Variants in NDRG3 observed in about 807,000 individuals in gnomAD.
NDRG3 encodes the protein NDRG family member 3.
In NDRG3, 23 loss-of-function variants were observed where a neutral mutation model predicts 57.2. That is an observed-to-expected ratio of 0.40 (90% confidence interval 0.29 to 0.57). NDRG3 has a LOEUF of 0.57. Among genes scored for constraint, NDRG3 ranks in the 20% least tolerant of loss-of-function variants. The pLI, the probability that NDRG3 is intolerant of heterozygous loss-of-function variation, is 0.42. For missense variants in NDRG3, 384 were observed against 457.3 expected, an observed-to-expected ratio of 0.84 and a Z score of 1.46; for synonymous variants, 132 against 162.6, an observed-to-expected ratio of 0.81 and a Z score of 1.43.
chr20:36,692,703 T>G (rs1408112635), intron 3 of NDRG3, among the ~76,000 whole-genome samples: 1 of 152,030 alleles, frequency 6.6e-6, no homozygotes, highest in East Asian at 1.9e-4. Context: ...GCTGTATGTA[T>G]TTGTAAATTC....
At chr20:36,677,345 C>T (rs1980838135) in intron 8 of NDRG3, among the ~76,000 whole-genome samples, 1 of 152,226 alleles carries the variant, frequency 6.6e-6, no homozygotes. Flanking sequence ...CCAGGGAGGC[C>T]CTGAAGGCTA....
intron 2 of NDRG3, among the ~76,000 whole-genome samples, chr20:36,717,082 T>C (rs1179092987): frequency 6.6e-6 from 1 of 152,252 alleles, no homozygotes; most frequent in Admixed American, 6.5e-5. Context: ...TCATTTCATA[T>C]GCCCATGCAA....
chr20:36,665,087 A>G lies in NDRG3; in HGVS notation c.769T>C (p.Leu257=), dbSNP rs376469376. The change falls in exon 12 of 16, where the codon TTA becomes CTA. Residue 257 remains leucine, a synonymous_variant. Transcript: ENST00000349004. ...GGCGAATTGTCCCCTACCACCAGTAAAGTAGAACACCTAGGTAGGCAAAGT... is the reference window on the plus strand; with the variant it reads ...GGCGAATTGTCCCCTACCACCAGTAGAGTAGAACACCTAGGTAGGCAAAGT... ...NKSKTLKCST[L]LVVGDNSPAV... is the part of the protein sequence containing the mutation. 5.0e-6 allele frequency: 8 copies of G among 1,614,158 alleles called. No individual in the cohort carries two copies. The highest frequency in any genetic ancestry group is 2.2e-5 in the East Asian group (1 of 44,884).
At chr20:36,727,308 C>T (rs983841205) in intron 1 of NDRG3, among the ~76,000 whole-genome samples, 8 of 152,208 alleles carry the variant, frequency 5.3e-5, no homozygotes, top group Non-Finnish European at 1.2e-4. Flanking sequence ...CAACCTCCGC[C>T]TCTTGGGTTC....
At chr20:36,738,538 T>C (rs1341818024) in intron 1 of NDRG3, among the ~76,000 whole-genome samples, 1 of 149,700 alleles carries the variant, frequency 6.7e-6, no homozygotes, top group African/African-American at 2.4e-5. Flanking sequence ...AGTTAAAAAA[T>C]GGGGCTAGGC....
chr20:36,697,351 C>T (rs774588661), intron 3 of NDRG3, among the ~76,000 whole-genome samples: 2 of 152,142 alleles, frequency 1.3e-5, no homozygotes, highest in African/African-American at 4.8e-5. Context: ...CTCTTCCTTA[C>T]TAATATGTCC....
At chr20:36,722,923 A>C (rs1291257538) in intron 1 of NDRG3, among the ~76,000 whole-genome samples, 1 of 152,246 alleles carries the variant, frequency 6.6e-6, no homozygotes, top group Non-Finnish European at 1.5e-5. Context: ...TACTAGTTCT[A>C]GGGGAAGCTA....
intron 8 of NDRG3, among the ~76,000 whole-genome samples, chr20:36,672,405 T>C (rs1980247786): frequency 6.6e-6 from 1 of 152,118 alleles, no homozygotes; most frequent in African/African-American, 2.4e-5. Flanking sequence ...GGGGTAAGAA[T>C]GGAGAAGAGG....
intron 3 of NDRG3, among the ~76,000 whole-genome samples, chr20:36,698,029 G>A (rs944380077): frequency 7.0e-6 from 1 of 142,168 alleles, no homozygotes; most frequent in Non-Finnish European, 1.5e-5. Context: ...GCAGTGGCCC[G>A]ATCTCAGCTC....
intron 1 of NDRG3, among the ~76,000 whole-genome samples, chr20:36,743,277 T>C (rs1986007550): frequency 6.8e-6 from 1 of 146,702 alleles, no homozygotes; most frequent in Non-Finnish European, 1.5e-5. Flanking sequence ...GCGGATCACC[T>C]GAGGTCAGGA....
At chr20:36,696,641 C>A (rs776604290) in intron 3 of NDRG3, among the ~76,000 whole-genome samples, 15 of 151,874 alleles carry the variant, frequency 9.9e-5, no homozygotes, top group African/African-American at 1.5e-4. Flanking sequence ...TACAGACGCG[C>A]GCCACCATGC....
intron 10 of NDRG3, among the ~76,000 whole-genome samples, chr20:36,665,940 TAC>T (rs1346347147): frequency 2.0e-5 from 3 of 152,150 alleles, no homozygotes; most frequent in Non-Finnish European, 4.4e-5. Flanking sequence ...GAGAATGACT[TAC>T]ACTTTGAGGA....
chr20:36,666,460 G>A (rs1979642741), intron 9 of NDRG3, 68 bp from the exon 10 acceptor site: 2 of 1,223,038 alleles, frequency 1.6e-6, no homozygotes, highest in Admixed American at 3.5e-5. Context: ...TGTTTGGTTT[G>A]CATTTTCATT....
chr20:36,653,508 A>C lies in NDRG3; in HGVS notation c.*12T>G, dbSNP rs1267285770. 2 of 1,611,814 alleles carry C rather than the reference A, an allele frequency of 1.2e-6. No individual in the cohort carries two copies. The highest frequency in any genetic ancestry group is 4.5e-5 in the East Asian group (2 of 44,842). On this transcript the variant is annotated 3_prime_UTR_variant, in exon 16 of 16. Coordinates refer to ENST00000349004, the MANE Select transcript of NDRG3 (RefSeq NM_032013.4). The surrounding 1 kb of genome is among the most constrained non-coding windows in gnomAD (Gnocchi z 4.2). ...GGATGGACTTGCAATGGTCCAGGGGAGGAGCATCTGCTTAGCAGGACACCT... is the reference window on the plus strand; with the variant it reads ...GGATGGACTTGCAATGGTCCAGGGGCGGAGCATCTGCTTAGCAGGACACCT...
intron 9 of NDRG3, among the ~76,000 whole-genome samples, chr20:36,667,720 G>A (rs1454198622): frequency 3.3e-5 from 5 of 152,160 alleles, no homozygotes; most frequent in African/African-American, 7.2e-5. Context: ...TAAGAAGTCC[G>A]TTAATCCAGG....
chr20:36,739,634 T>C (rs1295264972), intron 1 of NDRG3, among the ~76,000 whole-genome samples: 1 of 149,372 alleles, frequency 6.7e-6, no homozygotes, highest in Non-Finnish European at 1.5e-5. Flanking sequence ...AGTGAAACCC[T>C]GTCTCGGCCG....
chr20:36,659,605 GTTTA>G lies in NDRG3; in HGVS notation c.858+728_858+731del, dbSNP rs1210558163. On this transcript the variant is annotated intron_variant, in intron 13 of 15. Transcript: ENST00000349004. ...GAAAAAAGCTTTATTTTATTTATTTGTTTATTTATTTTTGAGATGGAGTCTTGCT... is the reference window on the plus strand; with the variant it reads ...GAAAAAAGCTTTATTTTATTTATTTGTTTATTTTTGAGATGGAGTCTTGCT... 2.6e-5 allele frequency among the ~76,000 whole-genome samples: 4 copies of G among 151,916 alleles called. No individual in the cohort carries two copies. In the South Asian group the frequency reaches 8.3e-4, roughly 32 times the overall value.
At chr20:36,694,174 G>T (rs1287316682) in intron 3 of NDRG3, among the ~76,000 whole-genome samples, 1 of 152,130 alleles carries the variant, frequency 6.6e-6, no homozygotes, top group Non-Finnish European at 1.5e-5. Context: ...GCCATCTCAA[G>T]GGTGGCAAAG....
chr20:36,744,731 C>T (rs929128756), intron 1 of NDRG3, among the ~76,000 whole-genome samples: 1 of 152,214 alleles, frequency 6.6e-6, no homozygotes, highest in African/African-American at 2.4e-5. Flanking sequence ...TTAAATTCAG[C>T]ACCACTCTAT....
Sources: allele counts gnomAD v4.1 joint callset (sites outside exome capture counted in the v4.1 genomes callset), GRCh38; gene constraint gnomAD v4.1.1; non-coding constraint Gnocchi (gnomAD v3.1); transcripts MANE v1.5; gene names NCBI Gene and HGNC (gene_info 2026-07-23, HGNC 2026-07-21).